Variants in PTPRD observed in about 807,000 individuals in gnomAD.
PTPRD encodes the protein receptor-type tyrosine-protein phosphatase delta.
In PTPRD, 34 loss-of-function variants were observed where a neutral mutation model predicts 214.5. The observed-to-expected ratio is 0.16, with a 90% CI of 0.12 to 0.21. The LOEUF (loss-of-function observed/expected upper bound fraction) is 0.21. Ranked by LOEUF, PTPRD falls within the 10% of genes least tolerant of loss-of-function variation. The pLI is 1.00. For missense variants in PTPRD, 2,545 were observed against 2,398.7 expected (o/e 1.06, Z -1.27); for synonymous variants, 1,128 against 845.7 (o/e 1.33, Z -5.79).
intron 11 of PTPRD, among the ~76,000 whole-genome samples, chr9:8,877,117 G>C (rs1371093951): frequency 6.6e-6 from 1 of 151,924 alleles, no homozygotes; most frequent in Non-Finnish European, 1.5e-5. Context: ...AGTAGAGATG[G>C]GGTTTCGCTA....
At chr9:9,650,625 A>C (rs2096314039) in intron 7 of PTPRD, among the ~76,000 whole-genome samples, 1 of 152,112 alleles carries the variant, frequency 6.6e-6, no homozygotes, top group Non-Finnish European at 1.5e-5. Flanking sequence ...AGGGCCTCTC[A>C]GAGAATGAAG....
At chr9:9,180,340 C>G (rs151259875) in intron 10 of PTPRD, among the ~76,000 whole-genome samples, 2 of 150,906 alleles carry the variant, frequency 1.3e-5, no homozygotes, top group Non-Finnish European at 2.9e-5. Flanking sequence ...AGCAAACTAT[C>G]GCAAGGACAA....
chr9:10,398,814 T>C (rs775211716), intron 2 of PTPRD, among the ~76,000 whole-genome samples: 13 of 152,010 alleles, frequency 8.6e-5, no homozygotes, highest in Admixed American at 6.6e-5. Context: ...AACAATTCTA[T>C]GAGGAGGTTA....
intron 11 of PTPRD, among the ~76,000 whole-genome samples, chr9:8,761,049 T>C (rs1684541715): frequency 6.6e-6 from 1 of 152,196 alleles, no homozygotes; most frequent in Non-Finnish European, 1.5e-5. Context: ...ACCAAGCTTT[T>C]TACATCTCAT....
intron 11 of PTPRD, among the ~76,000 whole-genome samples, chr9:8,993,935 G>T (rs2099386999): frequency 6.6e-6 from 1 of 152,074 alleles, no homozygotes; most frequent in African/African-American, 2.4e-5. Context: ...TGTAATATTT[G>T]ATAAGTGTTC....
chr9:9,203,055 T>C (rs923333751), intron 9 of PTPRD, among the ~76,000 whole-genome samples: 1 of 152,126 alleles, frequency 6.6e-6, no homozygotes, highest in South Asian at 2.1e-4. Context: ...GCCATGTCAA[T>C]CTAGAAACAA....
intron 11 of PTPRD, among the ~76,000 whole-genome samples, chr9:9,013,199 A>G (rs555770101): frequency 3.3e-5 from 5 of 152,206 alleles, no homozygotes; most frequent in Admixed American, 2.0e-4. Flanking sequence ...CATCAAAGTA[A>G]CAAAAGAATG....
chr9:8,693,853 A>C (rs137994367), intron 12 of PTPRD, among the ~76,000 whole-genome samples: 249 of 152,336 alleles, frequency 1.6e-3, no homozygotes, highest in African/African-American at 5.5e-3. Flanking sequence ...CGTTGCTTGA[A>C]TGTATTTTTG....
chr9:9,306,245 A>G lies in PTPRD; in HGVS notation c.-203+91204T>C, dbSNP rs141760413. ...GATTTTCCAGTGAAGATTTAACCAC[A>G]TGTACATATTTGCACTTTAAAATGA... On this transcript the variant is annotated intron_variant, in intron 9 of 45. Coordinates refer to ENST00000381196, the MANE Select transcript of PTPRD (RefSeq NM_002839.4). Among the ~76,000 whole-genome samples the G allele has an allele frequency of 3.0e-3, 455 of 152,016 alleles. 3 individuals carry two copies. Among genetic ancestry groups the G allele is most frequent in the African/African-American group, 0.011 (448 of 41,466 alleles).
chr9:10,520,943 T>A (rs2052026478), intron 2 of PTPRD, among the ~76,000 whole-genome samples: 1 of 151,440 alleles, frequency 6.6e-6, no homozygotes, highest in South Asian at 2.1e-4. Context: ...GTTGCCAAGG[T>A]GCAAGAAGAT....
rs36007156 is a variant in PTPRD, at chr9:8,581,913, CAAAAAAAAAAAAA to C, written c.352+51391_352+51403del. On this transcript the variant is annotated intron_variant, in intron 14 of 45. Coordinates refer to ENST00000381196, the MANE Select transcript of PTPRD (RefSeq NM_002839.4). ...GGATGACAGAGCATGACTCAATCTC[CAAAAAAAAAAAAA>C]AAAAAAAAAAAAAAAAGAGGGAAAA... Among the ~76,000 whole-genome samples, 123 of 34,960 alleles carry C rather than the reference CAAAAAAAAAAAAA, an allele frequency of 3.5e-3. 1 individual carries two copies. The highest frequency in any genetic ancestry group is 8.1e-3 in the South Asian group (4 of 496). The allele number at this position is 34,960 out of a possible 152,430, so 22.9% of individuals were successfully genotyped here.
intron 8 of PTPRD, among the ~76,000 whole-genome samples, chr9:9,468,098 T>C (rs1415443958): frequency 6.6e-6 from 1 of 152,118 alleles, no homozygotes; most frequent in Non-Finnish European, 1.5e-5. Flanking sequence ...TAGAACTTAC[T>C]CCTACTAGAC....
chr9:9,914,444 G>T (rs1326570846), intron 5 of PTPRD, among the ~76,000 whole-genome samples: 1 of 152,114 alleles, frequency 6.6e-6, no homozygotes, highest in Admixed American at 6.5e-5. Flanking sequence ...GCCACGTCAG[G>T]GGCCTAAGAA....
intron 11 of PTPRD, among the ~76,000 whole-genome samples, chr9:8,987,004 T>C (rs1253637788): frequency 2.0e-5 from 3 of 152,186 alleles, no homozygotes; most frequent in African/African-American, 7.2e-5. Flanking sequence ...CTGGTTTATA[T>C]TTGTTATTTG....
chr9:9,274,781 T>G (rs1178204113), intron 9 of PTPRD, among the ~76,000 whole-genome samples: 1 of 150,600 alleles, frequency 6.6e-6, no homozygotes, highest in Non-Finnish European at 1.5e-5. Context: ...TTTGTGAATA[T>G]TAGCTATTAT....
At chr9:8,593,754 A>G (rs2094289927) in intron 14 of PTPRD, among the ~76,000 whole-genome samples, 1 of 152,232 alleles carries the variant, frequency 6.6e-6, no homozygotes, top group African/African-American at 2.4e-5. Context: ...TTCTAAAACC[A>G]GCAAACAAGT....
chr9:8,708,432 G>C (rs1186145261), intron 12 of PTPRD, among the ~76,000 whole-genome samples: 1 of 152,010 alleles, frequency 6.6e-6, no homozygotes, highest in Non-Finnish European at 1.5e-5. Flanking sequence ...CTAGCACTTT[G>C]GGAGGCCGAG....
intron 2 of PTPRD, among the ~76,000 whole-genome samples, chr9:10,436,632 T>C (rs915260750): frequency 1.7e-4 from 26 of 151,890 alleles, no homozygotes; most frequent in African/African-American, 6.3e-4. Context: ...CATATGTATA[T>C]AATGCATAAA....
At chr9:8,592,333 TA>T (rs1168269388) in intron 14 of PTPRD, among the ~76,000 whole-genome samples, 1 of 152,148 alleles carries the variant, frequency 6.6e-6, no homozygotes, top group Non-Finnish European at 1.5e-5. Context: ...TTTAGCTGAC[TA>T]AACTTTAAAA....
Sources: allele counts gnomAD v4.1 joint callset (sites outside exome capture counted in the v4.1 genomes callset), GRCh38; gene constraint gnomAD v4.1.1; transcripts MANE v1.5; gene names NCBI Gene and HGNC (gene_info 2026-07-23, HGNC 2026-07-21).